Variants in MATN4 observed in about 807,000 individuals in gnomAD.
MATN4 encodes the protein matrilin-4.
A neutral mutation model predicts 54.6 loss-of-function variants in MATN4; 40 were observed. That is an observed-to-expected ratio of 0.73 (90% CI 0.57 to 0.95). The LOEUF (loss-of-function observed/expected upper bound fraction) is 0.95. Ranked by LOEUF, MATN4 falls within the 40% of genes least tolerant of loss-of-function variation. The pLI is 0.00. For synonymous variants in MATN4, 351 were observed against 345.3 expected (o/e 1.02, Z -0.18); for missense variants, 810 against 819.1 (o/e 0.99, Z 0.13).
Position 45,297,912 on chromosome 20 carries a change from GC to G in MATN4, c.1579+5del, listed in dbSNP as rs138117422. On this transcript the variant is annotated splice_donor_5th_base_variant and intron_variant, in intron 8 of 9. Transcript: ENST00000372756. ...AGAGGAGGAGCCCCGAGAGAGATGC[GC>G]TCACCTGGACAGATGCTGCCTCTGA... The G allele has an allele frequency of 6.2e-7, 1 of 1,614,080 alleles. No homozygotes were observed. The highest frequency in any genetic ancestry group is 8.5e-7 in the Non-Finnish European group (1 of 1,179,972).
At chr20:45,297,641 T>C (rs1304572697) in intron 8 of MATN4, among the ~76,000 whole-genome samples, 2 of 152,152 alleles carry the variant, frequency 1.3e-5, no homozygotes, top group African/African-American at 4.8e-5. Flanking sequence ...TAGGATTTCT[T>C]AGACTTTAAT....
chr20:45,304,774 G>A lies in MATN4; in HGVS notation c.97C>T (p.Leu33=). Residue 33 remains leucine (L), a synonymous_variant, in exon 3 of 10, where the codon CTG becomes TTG. Coordinates refer to ENST00000372756, the MANE Select transcript of MATN4 (RefSeq NM_001393530.1). ...LTGPRCHTGP[L]DLVFVIDSSR... ...CTGTCAATCACGAACACCAGATCCA[G>A]GGGCCCAGTGTGACACCTGGGACCT... is the stretch of plus-strand genomic sequence containing the variant. 1 of 1,587,948 alleles carries A rather than the reference G, an allele frequency of 6.3e-7. No homozygotes were observed. Among genetic ancestry groups the A allele is most frequent in the Non-Finnish European group, 8.6e-7 (1 of 1,161,238 alleles).
At chr20:45,296,248 AG>A (rs1568870315) in intron 8 of MATN4, among the ~76,000 whole-genome samples, 4 of 116,732 alleles carry the variant, frequency 3.4e-5, no homozygotes, top group Admixed American at 1.8e-4. Flanking sequence ...AAAAGATTAC[AG>A]GGAATGACAT....
intron 1 of MATN4, among the ~76,000 whole-genome samples, chr20:45,306,181 T>G (rs773371542): frequency 6.6e-6 from 1 of 152,186 alleles, no homozygotes; most frequent in African/African-American, 2.4e-5. Context: ...CAGGTCTTCC[T>G]TAAATGTCAG....
chr20:45,307,031 A>T, intron 1 of MATN4: 1 of 843,584 alleles, frequency 1.2e-6, no homozygotes. Context: ...CTATACAAAT[A>T]GGAAAACTAA....
chr20:45,297,461 A>G (rs2145644411), intron 8 of MATN4, among the ~76,000 whole-genome samples: 1 of 152,192 alleles, frequency 6.6e-6, no homozygotes, highest in Middle Eastern at 3.4e-3. Flanking sequence ...GTCTTTGCAT[A>G]CTTAAAATAT....
chr20:45,301,376 A>G lies in MATN4; in HGVS notation c.711T>C (p.Tyr237=). ...EHHCVNSPGS[Y]FCHCQVGFVL... is the part of the protein sequence containing the mutation. ...CAAAGCCAACTTGGCAGTGACAGAA[A>G]TAGGAGCCTGGGGAATTGACGCAGT... is the stretch of plus-strand genomic sequence containing the variant. Residue 237 remains tyrosine, a synonymous_variant, in exon 4 of 10, where the codon TAT becomes TAC. Coordinates refer to ENST00000372756, the MANE Select transcript of MATN4 (RefSeq NM_001393530.1). 1 of 1,614,176 alleles carries G rather than the reference A, an allele frequency of 6.2e-7. No homozygotes were observed. Among genetic ancestry groups the G allele is most frequent in the Non-Finnish European group, 8.5e-7 (1 of 1,180,024 alleles).
intron 8 of MATN4, among the ~76,000 whole-genome samples, chr20:45,294,277 T>C (rs1440655884): frequency 2.0e-5 from 3 of 152,196 alleles, no homozygotes; most frequent in Non-Finnish European, 4.4e-5. Context: ...TACGTGTGTG[T>C]GTGTGTGTGT....
In MATN4 at chr20:45,298,629, G is replaced by A. The variant is rs1986027759; in HGVS notation, c.1013-46C>T. 3.4e-6 allele frequency: 5 copies of A among 1,450,898 alleles called. No homozygotes were observed. The highest frequency in any genetic ancestry group is 1.4e-5 in the African/African-American group (1 of 70,408). 89.9% of individuals were successfully genotyped at this position (1,450,898 alleles called of 1,614,324 possible). A position where few individuals can be genotyped will look rare whatever the true frequency, so the allele number is the denominator to read the frequency against. On this transcript the variant is annotated intron_variant, in intron 6 of 9. Coordinates refer to ENST00000372756, the MANE Select transcript of MATN4 (RefSeq NM_001393530.1). The surrounding 1 kb of genome is among the most constrained non-coding windows in gnomAD (Gnocchi z 4.6). Reference sequence around the variant, plus strand: ...GAATTGAGGGACCAGATTCTGGACTGGCAGCAGCTGTCTATCCATCTAGTC... The same window carrying A: ...GAATTGAGGGACCAGATTCTGGACTAGCAGCAGCTGTCTATCCATCTAGTC...
chr20:45,302,602 C>T (rs763033214), intron 3 of MATN4, among the ~76,000 whole-genome samples: 5 of 151,914 alleles, frequency 3.3e-5, no homozygotes, highest in Admixed American at 6.6e-5. Flanking sequence ...AAGGCCCTAT[C>T]TCTTAAAAAG....
intron 1 of MATN4, among the ~76,000 whole-genome samples, chr20:45,305,875 C>T (rs377522601): frequency 1.3e-4 from 16 of 126,416 alleles, no homozygotes; most frequent in African/African-American, 4.6e-4. Flanking sequence ...ATGATCTCGG[C>T]TCACTGCAAC....
At position 45,297,955 on chromosome 20, in the gene MATN4, C is replaced by A; in HGVS notation, c.1542G>T (p.Thr514=). The A allele has an allele frequency of 3.1e-6, 5 of 1,614,194 alleles. No individual in the cohort carries two copies. Among genetic ancestry groups the A allele is most frequent in the Non-Finnish European group, 4.2e-6 (5 of 1,180,028 alleles). The change falls in exon 8 of 10, where the codon ACG becomes ACT. Residue 514 remains threonine (T), a synonymous_variant. Transcript: ENST00000372756. ...VSYAPDFGTM[T]HLLENLRGSI... is the part of the protein sequence containing the mutation. ...TGCCTCTGAGGTTCTCCAGCAGGTG[C>A]GTCATGGTGCCGAAGTCCGGGGCAT...
At position 45,296,214 on chromosome 20, in the gene MATN4, C is replaced by CAA. The variant is rs71181820; in HGVS notation, c.1579+1702_1579+1703dup. 5.6e-3 allele frequency among the ~76,000 whole-genome samples: 197 copies of CAA among 35,486 alleles called. 24 individuals carry two copies. Among genetic ancestry groups the CAA allele is most frequent in the Non-Finnish European group, 8.4e-3 (171 of 20,350 alleles). The allele number at this position is 35,486 out of a possible 152,430, so 23.3% of individuals were successfully genotyped here. A position where few individuals can be genotyped will look rare whatever the true frequency, so the allele number is the denominator to read the frequency against. Reference sequence around the variant, plus strand: ...TGGATGACAGAGCGAGACTCCATCTCAAAAAAAAAAAAAAAAAAAAAAAAA... The same window carrying CAA: ...TGGATGACAGAGCGAGACTCCATCTCAAAAAAAAAAAAAAAAAAAAAAAAAAA... On this transcript the variant is annotated intron_variant, in intron 8 of 9. Coordinates refer to ENST00000372756, the MANE Select transcript of MATN4 (RefSeq NM_001393530.1).
chr20:45,305,707 G>T, intron 1 of MATN4, 91 bp from the exon 2 acceptor site: 2 of 552,980 alleles, frequency 3.6e-6, no homozygotes, highest in South Asian at 4.9e-5. Flanking sequence ...ACAGTTACAG[G>T]TTTATTTTAC....
Position 45,293,796 on chromosome 20 carries a change from G to T in MATN4, c.1717C>A (p.Leu573Met). ...LAQLTARLEDLENQLANQK is the reference protein window; with the variant it reads ...LAQLTARLEDMENQLANQK ...TTCTGGTTGGCCAGCTGGTTCTCCA[G>T]ATCCTCCAGGCGCGCCGTCAGCTGG... Residue 573 changes from leucine (L) to methionine (M), a missense_variant, in exon 10 of 10, where the codon CTG (leucine) becomes ATG (methionine). Leu to Met is a conservative substitution (Grantham distance 15). Transcript: ENST00000372756. 3.1e-6 allele frequency: 5 copies of T among 1,610,886 alleles called. No homozygotes were observed. Among genetic ancestry groups the T allele is most frequent in the Non-Finnish European group, 4.2e-6 (5 of 1,179,882 alleles).
chr20:45,307,468 G>C (rs759087786), intron 1 of MATN4, among the ~76,000 whole-genome samples: 1 of 152,136 alleles, frequency 6.6e-6, no homozygotes, highest in Admixed American at 6.5e-5. Context: ...TGGGAGGGCG[G>C]GGAACCCTTG....
chr20:45,298,094 G>A lies in MATN4; in HGVS notation c.1427-24C>T. The stretch of plus-strand genomic sequence containing the variant: ...GCCTGCAAGGCCGGGGTCTCAGAGG[G>A]TGCCCCAGGCCTCGGGAAAGCTGCC... On this transcript the variant is annotated intron_variant, in intron 7 of 9. Coordinates refer to ENST00000372756, the MANE Select transcript of MATN4 (RefSeq NM_001393530.1). This position sits in a 1 kb window ranked among gnomAD's most constrained non-coding sequence, Gnocchi z 4.6. The A allele has an allele frequency of 6.2e-7, 1 of 1,607,206 alleles. No homozygotes were observed. Among genetic ancestry groups the A allele is most frequent in the South Asian group, 1.1e-5 (1 of 90,914 alleles).
At chr20:45,303,747 G>A (rs1211208691) in intron 3 of MATN4, among the ~76,000 whole-genome samples, 2 of 152,240 alleles carry the variant, frequency 1.3e-5, no homozygotes, top group Admixed American at 6.5e-5. Context: ...ACGTCAGTGG[G>A]CTGGGACAGG....
chr20:45,306,513 C>A (rs1225785868), intron 1 of MATN4, among the ~76,000 whole-genome samples: 1 of 152,244 alleles, frequency 6.6e-6, no homozygotes, highest in Non-Finnish European at 1.5e-5. Context: ...CTCGCCAACC[C>A]CCCCAGACCC....
Sources: gnomAD v4.1 joint callset for allele counts (sites outside exome capture counted in the v4.1 genomes callset) on GRCh38, gnomAD v4.1.1 for gene constraint, Gnocchi (gnomAD v3.1) non-coding constraint, MANE v1.5 for transcripts, NCBI Gene and HGNC (gene_info 2026-07-23, HGNC 2026-07-21) for gene names.